Variants in PTPN3 observed in about 807,000 individuals in gnomAD.
The protein encoded by PTPN3 is protein tyrosine phosphatase non-receptor type 3, also known as tyrosine-protein phosphatase non-receptor type 3.
In PTPN3, 96 loss-of-function variants were observed where a neutral mutation model predicts 132.7. The observed-to-expected ratio is 0.72, with a 90% CI of 0.61 to 0.86. PTPN3 has a LOEUF of 0.86. PTPN3 is among the 40% of genes least tolerant of loss of function. The probability of loss-of-function intolerance (pLI) is 0.00; values close to 1 mark genes in which losing one functional copy is unlikely to be tolerated. For missense variants in PTPN3, 1,125 were observed against 1,159.6 expected (o/e 0.97, Z 0.43); for synonymous variants, 398 against 429.0 (o/e 0.93, Z 0.89).
At chr9:109,515,383 C>A in the PTPN3 span, among the ~76,000 whole-genome samples, 1 of 152,172 alleles carries the variant, frequency 6.6e-6, no homozygotes, top group African/African-American at 2.4e-5. Context: ...ATTGGAGTTG[C>A]TGCTCCAGAG....
intron 10 of PTPN3, among the ~76,000 whole-genome samples, chr9:109,432,804 C>T (rs1167297632): frequency 6.6e-6 from 1 of 152,162 alleles, no homozygotes; most frequent in Non-Finnish European, 1.5e-5. Flanking sequence ...TTCCTTAATG[C>T]CAAGGCCTGC....
intron 19 of PTPN3, among the ~76,000 whole-genome samples, chr9:109,395,254 T>C (rs996955783): frequency 1.3e-5 from 2 of 152,140 alleles, no homozygotes; most frequent in Admixed American, 6.6e-5. Flanking sequence ...AGAATTGTTA[T>C]TTTTAAATTC....
chr9:109,499,761 G>C (rs1847831475), upstream of PTPN3, among the ~76,000 whole-genome samples: 1 of 152,232 alleles, frequency 6.6e-6, no homozygotes, highest in South Asian at 2.1e-4. Context: ...CACGTCCCGG[G>C]ATAGCGCCGC....
At chr9:109,382,222 G>A in intron 24 of PTPN3, 80 bp downstream of exon 24, 1 of 1,495,248 alleles carries the variant, frequency 6.7e-7, no homozygotes, top group East Asian at 2.3e-5. Flanking sequence ...TGTAGGGTGG[G>A]TCTGGCGCCT....
chr9:109,504,682 A>G, the PTPN3 span, among the ~76,000 whole-genome samples: 2 of 152,240 alleles, frequency 1.3e-5, no homozygotes, highest in South Asian at 4.1e-4. Flanking sequence ...CTGACAGAGG[A>G]CCATACTGTA....
chr9:109,458,732 G>C (rs528028054), intron 2 of PTPN3, among the ~76,000 whole-genome samples: 1 of 152,248 alleles, frequency 6.6e-6, no homozygotes, highest in Admixed American at 6.5e-5. Flanking sequence ...CATCAGAAAA[G>C]AATCACAATA....
At chr9:109,475,954 A>G (rs777320421) in intron 1 of PTPN3, among the ~76,000 whole-genome samples, 16 of 152,114 alleles carry the variant, frequency 1.1e-4, no homozygotes, top group Non-Finnish European at 2.1e-4. Context: ...ACAGAGAAAA[A>G]TACTCTCCAC....
intron 4 of PTPN3, among the ~76,000 whole-genome samples, chr9:109,456,281 A>G (rs1845561041): frequency 6.6e-6 from 1 of 152,234 alleles, no homozygotes; most frequent in Admixed American, 6.5e-5. Context: ...AGAGAGAAAT[A>G]TAACAAGGGT....
rs1315150230 is a variant in PTPN3, at chr9:109,408,792, AAAAAATAT to A, written c.1579-423_1579-416del. Among the ~76,000 whole-genome samples the A allele has an allele frequency of 2.9e-3, 183 of 62,392 alleles. 1 individual carries two copies. Among genetic ancestry groups the A allele is most frequent in the African/African-American group, 0.011 (155 of 14,482 alleles). The allele number at this position is 62,392 out of a possible 152,430, so 40.9% of individuals were successfully genotyped here. ...GAACTTATAATAATTAAAAAAAAAAAAAAAATATATATATATATATATATATGGGCTTT... is the reference window on the plus strand; with the variant it reads ...GAACTTATAATAATTAAAAAAAAAAAATATATATATATATATATGGGCTTT... On this transcript the variant is annotated intron_variant, in intron 16 of 25. Transcript: ENST00000374541.
At chr9:109,497,835 G>A (rs1019973364) in intron 1 of PTPN3, among the ~76,000 whole-genome samples, 2 of 151,820 alleles carry the variant, frequency 1.3e-5, no homozygotes, top group Non-Finnish European at 2.9e-5. Flanking sequence ...CCCCCTCGGA[G>A]CCCCGAGCCG....
chr9:109,422,987 G>GGA, intron 12 of PTPN3, 135 bp from the exon 13 acceptor site: 1 of 1,103,450 alleles, frequency 9.1e-7, no homozygotes, highest in Non-Finnish European at 1.3e-6. Flanking sequence ...GGGAGTAGAG[G>GGA]GAGACAGCTC....
At chr9:109,511,023 C>A in the PTPN3 span, among the ~76,000 whole-genome samples, 2 of 152,024 alleles carry the variant, frequency 1.3e-5, no homozygotes, top group African/African-American at 4.8e-5. Context: ...AAACACAAAA[C>A]TTTAACTTTG....
chr9:109,484,457 G>A (rs1472078199), intron 1 of PTPN3, among the ~76,000 whole-genome samples: 3 of 152,330 alleles, frequency 2.0e-5, no homozygotes, highest in Non-Finnish European at 4.4e-5. Context: ...CAGCCTGGCC[G>A]AGCCACCTCT....
chr9:109,411,313 C>T (rs1465314026), intron 14 of PTPN3, among the ~76,000 whole-genome samples: 1 of 152,176 alleles, frequency 6.6e-6, no homozygotes, highest in African/African-American at 2.4e-5. Flanking sequence ...TGGCTTTCCC[C>T]CGGCTTAGCA....
chr9:109,505,623 A>G, the PTPN3 span, among the ~76,000 whole-genome samples: 2 of 152,278 alleles, frequency 1.3e-5, no homozygotes, highest in Non-Finnish European at 2.9e-5. Flanking sequence ...CTTCTGTCCT[A>G]TGACCTCCAA....
intron 14 of PTPN3, chr9:109,417,676 G>T: frequency 1.0e-6 from 1 of 985,304 alleles, no homozygotes; most frequent in Non-Finnish European, 1.2e-6. Flanking sequence ...GCAGGAAGAG[G>T]TCTCCCACCT....
At chr9:109,406,388 A>T in intron 18 of PTPN3, 74 bp downstream of exon 18, 1 of 1,472,492 alleles carries the variant, frequency 6.8e-7, no homozygotes, top group Non-Finnish European at 9.2e-7. Context: ...TTTCAAGAGC[A>T]GATAAAGGGC....
chr9:109,515,390 A>G, the PTPN3 span, among the ~76,000 whole-genome samples: 1 of 152,168 alleles, frequency 6.6e-6, no homozygotes, highest in African/African-American at 2.4e-5. Flanking sequence ...TTGCTGCTCC[A>G]GAGGTACTGG....
the PTPN3 span, among the ~76,000 whole-genome samples, chr9:109,535,834 C>A: frequency 6.6e-6 from 1 of 152,238 alleles, no homozygotes; most frequent in African/African-American, 2.4e-5. Flanking sequence ...CCTTCTGCTT[C>A]CTCTTTTTCT....
Sources: gnomAD v4.1 joint callset for allele counts (sites outside exome capture counted in the v4.1 genomes callset) on GRCh38, gnomAD v4.1.1 for gene constraint, MANE v1.5 for transcripts, NCBI Gene and HGNC (gene_info 2026-07-23, HGNC 2026-07-21) for gene names.